GON4L: variants seen among roughly 807,000 people sequenced by gnomAD.
GON4L encodes the protein gon-4 like.
Under a neutral mutation model 211.8 loss-of-function variants are expected in GON4L, and 87 were observed. The ratio of observed to expected loss-of-function variants is 0.41; its 90% CI spans 0.35 to 0.49. The LOEUF is 0.49. Among genes scored for constraint, GON4L ranks in the 20% least tolerant of loss-of-function variants. The pLI, the probability that GON4L is intolerant of heterozygous loss-of-function variation, is 0.15. For synonymous variants in GON4L, 875 were observed against 962.6 expected (o/e 0.91, Z 1.68); for missense variants, 2,155 against 2,659.5 (o/e 0.81, Z 4.17).
chr1:155,845,182 A>G lies in GON4L; in HGVS notation c.505+8094T>C, dbSNP rs180867610. Among the ~76,000 whole-genome samples, 858 of 152,374 alleles carry G rather than the reference A, an allele frequency of 5.6e-3. 4 individuals are homozygous for G. Among genetic ancestry groups the G allele is most frequent in the Non-Finnish European group, 9.2e-3 (629 of 68,044 alleles). ...CTGGCCAGAGAGCCTGCTGAACAAAACAAGAACAAAACCCTGATCAAAACA... is the reference window on the plus strand; with the variant it reads ...CTGGCCAGAGAGCCTGCTGAACAAAGCAAGAACAAAACCCTGATCAAAACA... On this transcript the variant is annotated intron_variant, in intron 2 of 31. Transcript: ENST00000368331.
In GON4L at chr1:155,764,646, G is replaced by A. The variant is rs1662236485; in HGVS notation, c.4473+354C>T. On this transcript the variant is annotated intron_variant, in intron 21 of 31. Transcript: ENST00000368331. ...AATATAGATGGGGTTTTACCACGTC[G>A]GCCAGGCCAGTCTGAAACTCCTGGC... The A allele has an allele frequency of 6.4e-5, 35 of 547,486 alleles. No homozygotes were observed. The South Asian group carries it at 6.4e-4, about 10-fold the overall frequency. The allele number at this position is 547,486 out of a possible 1,614,324, so 33.9% of individuals were successfully genotyped here.
intron 2 of GON4L, chr1:155,833,087 C>A (rs2102355208): frequency 6.6e-6 from 1 of 152,080 alleles, no homozygotes; most frequent in East Asian, 1.9e-4. Context: ...TTTCAGTTCT[C>A]CAGATTAATG....
At chr1:155,789,995 G>A (rs2686255) in intron 12 of GON4L, among the ~76,000 whole-genome samples, 131,436 of 152,044 alleles carry the variant, frequency 0.86, 58,258 homozygotes, top group East Asian at 1. Flanking sequence ...TGCAGTGGTA[G>A]TGGTATGATC....
At chr1:155,822,691 G>A (rs988365346) in intron 3 of GON4L, among the ~76,000 whole-genome samples, 1 of 152,212 alleles carries the variant, frequency 6.6e-6, no homozygotes, top group Non-Finnish European at 1.5e-5. Flanking sequence ...GCTTGCCAAT[G>A]TTTGAGAAAG....
At chr1:155,836,446 C>T (rs1195649026) in intron 2 of GON4L, among the ~76,000 whole-genome samples, 1 of 152,060 alleles carries the variant, frequency 6.6e-6, no homozygotes, top group African/African-American at 2.4e-5. Context: ...GACAGGGTTT[C>T]ACCACATTGG....
At chr1:155,787,647 C>A (rs562084747) in intron 12 of GON4L, among the ~76,000 whole-genome samples, 2 of 152,236 alleles carry the variant, frequency 1.3e-5, no homozygotes, top group South Asian at 4.1e-4. Flanking sequence ...GTGGCATGCA[C>A]CTGGAATCCC....
chr1:155,833,792 G>A (rs1356816211), intron 2 of GON4L, among the ~76,000 whole-genome samples: 3 of 147,646 alleles, frequency 2.0e-5, no homozygotes, highest in African/African-American at 7.5e-5. Context: ...ATGGGGGAGA[G>A]GAAAGAAAGA....
chr1:155,822,382 T>C lies in GON4L; in HGVS notation c.792A>G (p.Ala264=), dbSNP rs759145546. ...RDGRGQEGTL[A]YDLKLDDMLD... The stretch of plus-strand genomic sequence containing the variant: ...GCATGTCATCCAGTTTCAGGTCATA[T>C]GCCAAGGTCCCTTCTTGACCCCTTC... The change falls in exon 4 of 32, where the codon GCA becomes GCG. Residue 264 remains alanine, a synonymous_variant. Coordinates refer to ENST00000368331, the MANE Select transcript of GON4L (RefSeq NM_001282860.2). 2.5e-6 allele frequency: 4 copies of C among 1,613,802 alleles called. No homozygotes were observed. Among genetic ancestry groups the C allele is most frequent in the African/African-American group, 1.3e-5 (1 of 74,920 alleles).
At chr1:155,800,136 T>G (rs953395194) in intron 11 of GON4L, among the ~76,000 whole-genome samples, 2 of 146,416 alleles carry the variant, frequency 1.4e-5, no homozygotes, top group African/African-American at 5.1e-5. Context: ...GAGGCAGAGG[T>G]TGCGGTGAGC....
chr1:155,798,559 G>A lies in GON4L; in HGVS notation c.1646-3408C>T, dbSNP rs1019721523. Among the ~76,000 whole-genome samples the A allele has an allele frequency of 4.7e-4, 65 of 138,524 alleles. 1 individual carries two copies. Among genetic ancestry groups the A allele is most frequent in the African/African-American group, 1.5e-3 (55 of 37,258 alleles). 90.9% of individuals were successfully genotyped at this position (138,524 alleles called of 152,430 possible). A position where few individuals can be genotyped will look rare whatever the true frequency, so the allele number is the denominator to read the frequency against. ...CAAGTAGCTGGGACTACAGGCACCC[G>A]CCACCACGTCAGGCTAATTTTTTTT... On this transcript the variant is annotated intron_variant, in intron 11 of 31. Transcript: ENST00000368331.
chr1:155,782,775 T>G (rs1664551816), intron 14 of GON4L, among the ~76,000 whole-genome samples: 1 of 152,152 alleles, frequency 6.6e-6, no homozygotes, highest in Admixed American at 6.6e-5. Flanking sequence ...GTATCCTGCC[T>G]CAGCCTCCTG....
rs145360103 is a variant in GON4L at position 155,811,754 on chromosome 1, CAAAA to C, written c.1452+1876_1452+1879del. ...CTGGGAGACAGGCAAGACTCTGTCTCAAAAAAAAAAAAAAAAAAAAAAAAAGAAG... is the reference window on the plus strand; with the variant it reads ...CTGGGAGACAGGCAAGACTCTGTCTCAAAAAAAAAAAAAAAAAAAAAGAAG... On this transcript the variant is annotated intron_variant, in intron 10 of 31. Coordinates refer to ENST00000368331, the MANE Select transcript of GON4L (RefSeq NM_001282860.2). Among the ~76,000 whole-genome samples the C allele has an allele frequency of 5.4e-4, 18 of 33,046 alleles. No homozygotes were observed. In the East Asian group the frequency reaches 6.1e-3, roughly 11 times the overall value. 21.7% of individuals were successfully genotyped at this position (33,046 alleles called of 152,430 possible). A position where few individuals can be genotyped will look rare whatever the true frequency, so the allele number is the denominator to read the frequency against.
At chr1:155,852,771 G>A (rs1671923889) in intron 2 of GON4L, among the ~76,000 whole-genome samples, 1 of 151,930 alleles carries the variant, frequency 6.6e-6, no homozygotes, top group Admixed American at 6.6e-5. Context: ...GGGTACAGAA[G>A]TGGATATAGC....
rs1424438138 is a variant in GON4L at position 155,805,283 on chromosome 1, A to C, written c.1453-142T>G. On this transcript the variant is annotated intron_variant, in intron 10 of 31. Transcript: ENST00000368331. ...TTATTATTGTTTGAGAAACTTTAAG[A>C]AACACGACATAAAAAAGAAATAAAA... 4 of 665,174 alleles carry C rather than the reference A, an allele frequency of 6.0e-6. No homozygotes were observed. In the African/African-American group the frequency reaches 7.3e-5, roughly 12 times the overall value. The allele number at this position is 665,174 out of a possible 1,614,324, so 41.2% of individuals were successfully genotyped here. A position where few individuals can be genotyped will look rare whatever the true frequency, so the allele number is the denominator to read the frequency against.
chr1:155,828,273 G>C (rs551921788), intron 2 of GON4L, among the ~76,000 whole-genome samples: 3 of 152,070 alleles, frequency 2.0e-5, no homozygotes, highest in Non-Finnish European at 4.4e-5. Context: ...CAGATCACTT[G>C]AGGTCAGGAG....
chr1:155,840,599 C>T (rs1358380750), intron 2 of GON4L, among the ~76,000 whole-genome samples: 1 of 152,178 alleles, frequency 6.6e-6, no homozygotes, highest in East Asian at 1.9e-4. Flanking sequence ...ATTAACTAAT[C>T]AATGTGCTTT....
At chr1:155,772,324 T>C (rs1663279016) in intron 18 of GON4L, among the ~76,000 whole-genome samples, 1 of 151,982 alleles carries the variant, frequency 6.6e-6, no homozygotes, top group Admixed American at 6.6e-5. Flanking sequence ...ATAAAACTAA[T>C]ACAAAATGAA....
chr1:155,815,810 C>T lies in GON4L; in HGVS notation c.1156G>A (p.Glu386Lys). The stretch of plus-strand genomic sequence containing the variant: ...ACCAACTAACATTCACTGACCTCTT[C>T]AGCAGTTTCATCTTCTTCTTCATCA... ...PDDEEEDETA[E>K]ESLLESDVES... The change falls in exon 8 of 32, where the codon GAA (glutamate) becomes AAA (lysine). Residue 386 changes from glutamate to lysine, a missense_variant. By Grantham distance (56) the Glu-to-Lys change is moderately conservative. Coordinates refer to ENST00000368331, the MANE Select transcript of GON4L (RefSeq NM_001282860.2). 1 of 1,571,592 alleles carries T rather than the reference C, an allele frequency of 6.4e-7. No homozygotes were observed. Among genetic ancestry groups the T allele is most frequent in the South Asian group, 1.1e-5 (1 of 90,188 alleles).
At chr1:155,856,279 G>A (rs1704820290) in intron 1 of GON4L, among the ~76,000 whole-genome samples, 1 of 152,040 alleles carries the variant, frequency 6.6e-6, no homozygotes, top group Non-Finnish European at 1.5e-5. Flanking sequence ...CCAGACCGGA[G>A]TGCAGTGGCA....
Sources: gnomAD v4.1 joint callset for allele counts (sites outside exome capture counted in the v4.1 genomes callset) on GRCh38, gnomAD v4.1.1 for gene constraint, MANE v1.5 for transcripts, NCBI Gene and HGNC (gene_info 2026-07-23, HGNC 2026-07-21) for gene names.